Variants in P2RX5 observed in about 807,000 individuals in gnomAD.
P2RX5 encodes purinergic receptor P2X 5, also known as P2X purinoceptor 5.
P2RX5 carries 46 observed loss-of-function variants against 54.1 expected under a neutral mutation model. The observed-to-expected ratio is 0.85, with a 90% CI of 0.67 to 1.09. The LOEUF (loss-of-function observed/expected upper bound fraction) is 1.09, where lower values mean the gene tolerates loss of function less well. Ranked by LOEUF, P2RX5 falls within the 50% of genes least tolerant of loss-of-function variation. The pLI is 0.00. For missense variants in P2RX5, 566 were observed against 549.8 expected, an observed-to-expected ratio of 1.03 and a Z score of -0.29; for synonymous variants, 226 against 226.4, an observed-to-expected ratio of 1.00 and a Z score of 0.02.
the P2RX5 span, among the ~76,000 whole-genome samples, chr17:3,721,066 C>G: frequency 6.6e-6 from 1 of 151,076 alleles, no homozygotes; most frequent in South Asian, 2.1e-4. Context: ...GTAGCTGAGA[C>G]CACAGGTGCA....
chr17:3,708,615 TG>T, the P2RX5 span, among the ~76,000 whole-genome samples: 40 of 152,284 alleles, frequency 2.6e-4, no homozygotes, highest in East Asian at 7.7e-3. Flanking sequence ...CCACATAAAG[TG>T]GTCCGGTCTT....
chr17:3,688,084 G>A lies in P2RX5; in HGVS notation c.909C>T (p.Asp303=), dbSNP rs367988345. 32 of 1,603,394 alleles carry A rather than the reference G, an allele frequency of 2.0e-5. No homozygotes were observed. Among genetic ancestry groups the A allele is most frequent in the Admixed American group, 1.0e-4 (6 of 59,446 alleles). Residue 303 remains aspartate, a synonymous_variant, in exon 9 of 12, where the codon GAC becomes GAT. Coordinates refer to ENST00000225328, the MANE Select transcript of P2RX5 (RefSeq NM_002561.4). ...GGGTGCGGAACTCCACCCCGGCTGC[G>A]TCTCGGTAATATCTGGCAAATCTGA... ...YNFRFARYYR[D]AAGVEFRTLM... is the part of the protein sequence containing the mutation.
intron 10 of P2RX5, among the ~76,000 whole-genome samples, chr17:3,680,201 GCA>G (rs1176480261): frequency 9.1e-5 from 12 of 132,242 alleles, no homozygotes; most frequent in Non-Finnish European, 1.1e-4. Flanking sequence ...CCTCCACCCT[GCA>G]TCCTCCACCC....
the P2RX5 span, among the ~76,000 whole-genome samples, chr17:3,702,606 C>T: frequency 6.6e-6 from 1 of 152,212 alleles, no homozygotes; most frequent in Non-Finnish European, 1.5e-5. Context: ...AGCTTCACTC[C>T]TGAAGTCAGC....
At chr17:3,711,165 C>T in the P2RX5 span, among the ~76,000 whole-genome samples, 5 of 152,122 alleles carry the variant, frequency 3.3e-5, no homozygotes, top group Admixed American at 3.3e-4. Flanking sequence ...GAAAGTACCC[C>T]ATGTGCTTTC....
At chr17:3,674,543 C>T (rs1005277379) in intron 11 of P2RX5, among the ~76,000 whole-genome samples, 1 of 152,134 alleles carries the variant, frequency 6.6e-6, no homozygotes, top group Non-Finnish European at 1.5e-5. Context: ...AAGGCTTGGC[C>T]GGCCTTGAAG....
chr17:3,696,186 A>C, upstream of P2RX5: 1 of 460,584 alleles, frequency 2.2e-6, no homozygotes, highest in Non-Finnish European at 3.4e-6. Context: ...CCTTTTATTG[A>C]CGCGGTTGAG....
At chr17:3,675,108 T>G (rs1251764305) in intron 11 of P2RX5, among the ~76,000 whole-genome samples, 1 of 152,064 alleles carries the variant, frequency 6.6e-6, no homozygotes, top group Non-Finnish European at 1.5e-5. Context: ...GGCACGATCT[T>G]GGATCACTGC....
At chr17:3,675,330 G>A (rs1366474113) in intron 11 of P2RX5, 46 of 984,712 alleles carry the variant, frequency 4.7e-5, no homozygotes, top group East Asian at 4.5e-4. Flanking sequence ...GTGAGCCACC[G>A]TGCCCGGCTA....
chr17:3,720,603 A>G, the P2RX5 span: 1 of 397,484 alleles, frequency 2.5e-6, no homozygotes, highest in Non-Finnish European at 4.5e-6. Context: ...TTTTTTTGAG[A>G]TGGAGTTTCG....
At chr17:3,681,161 G>A (rs563964927) in intron 10 of P2RX5, among the ~76,000 whole-genome samples, 22 of 152,214 alleles carry the variant, frequency 1.4e-4, no homozygotes, top group African/African-American at 2.6e-4. Flanking sequence ...GGGTCAGGGC[G>A]CACGGCTATA....
chr17:3,717,937 C>T, the P2RX5 span: 1 of 152,180 alleles, frequency 6.6e-6, no homozygotes, highest in Non-Finnish European at 1.5e-5. Flanking sequence ...CCCAAGGTGA[C>T]TCGGGAAACA....
At chr17:3,691,172 G>C in intron 2 of P2RX5, 145 bp from the exon 3 acceptor site, 1 of 675,980 alleles carries the variant, frequency 1.5e-6, no homozygotes, top group Non-Finnish European at 2.7e-6. Flanking sequence ...CTGCCCATCT[G>C]CTCATGGACC....
At chr17:3,717,448 C>T in the P2RX5 span, 1 of 152,220 alleles carries the variant, frequency 6.6e-6, no homozygotes, top group Non-Finnish European at 1.5e-5. Context: ...CAAAGGCTCT[C>T]CCAATTTCGG....
At chr17:3,694,039 G>T (rs1451983277) in intron 1 of P2RX5, among the ~76,000 whole-genome samples, 1 of 151,616 alleles carries the variant, frequency 6.6e-6, no homozygotes. Flanking sequence ...CAAAGTGCTG[G>T]GGTTACAGGC....
the P2RX5 span, among the ~76,000 whole-genome samples, chr17:3,708,077 AAAAC>A: frequency 6.6e-6 from 1 of 151,478 alleles, no homozygotes; most frequent in Non-Finnish European, 1.5e-5. Context: ...AAAAAAAAAA[AAAAC>A]ACCAGGAATC....
upstream of P2RX5, among the ~76,000 whole-genome samples, chr17:3,699,797 T>A (rs1002533805): frequency 2.2e-5 from 3 of 134,682 alleles, no homozygotes; most frequent in African/African-American, 8.5e-5. Flanking sequence ...AGAGTGATAC[T>A]CCATCTAAGA....
chr17:3,720,107 A>G, the P2RX5 span, among the ~76,000 whole-genome samples: 2 of 152,140 alleles, frequency 1.3e-5, no homozygotes, highest in Non-Finnish European at 2.9e-5. Flanking sequence ...TCAACTCAGA[A>G]CTCCTCAGCT....
the P2RX5 span, among the ~76,000 whole-genome samples, chr17:3,711,085 G>A: frequency 2.6e-5 from 4 of 152,190 alleles, no homozygotes; most frequent in African/African-American, 9.6e-5. Context: ...CCTGTCCCAG[G>A]CAGAGGGTGA....
Sources: gnomAD v4.1 joint callset for allele counts (sites outside exome capture counted in the v4.1 genomes callset) on GRCh38, gnomAD v4.1.1 for gene constraint, MANE v1.5 for transcripts, NCBI Gene and HGNC (gene_info 2026-07-23, HGNC 2026-07-21) for gene names.